EPB41: variants seen among roughly 807,000 people sequenced by gnomAD.
EPB41 encodes protein 4.1.
A neutral mutation model predicts 108.0 loss-of-function variants in EPB41; 65 were observed. That is an observed-to-expected ratio of 0.60 (90% confidence interval 0.49 to 0.74). The LOEUF is 0.74. EPB41 is among the 30% of genes least tolerant of loss of function. The pLI is 0.00. For missense variants in EPB41, 875 were observed against 1,037.0 expected (o/e 0.84, Z 2.15); for synonymous variants, 336 against 358.9 (o/e 0.94, Z 0.72).
At chr1:28,988,815 C>T (rs913502436) in intron 2 of EPB41, among the ~76,000 whole-genome samples, 1 of 152,114 alleles carries the variant, frequency 6.6e-6, no homozygotes, top group African/African-American at 2.4e-5. Flanking sequence ...GCCTCCTGAG[C>T]AGCTGGCATT....
intron 2 of EPB41, 98 bp downstream of exon 2, chr1:28,988,003 C>A: frequency 7.7e-7 from 1 of 1,298,656 alleles, no homozygotes; most frequent in Non-Finnish European, 1.1e-6. Context: ...TGGCTCATGC[C>A]TGTAATTCCA....
chr1:28,905,603 C>T (rs905999328), intron 1 of EPB41, among the ~76,000 whole-genome samples: 4 of 152,034 alleles, frequency 2.6e-5, no homozygotes, highest in African/African-American at 9.7e-5. Context: ...CTCACCAGAA[C>T]CTGGCCATGC....
At chr1:28,895,972 G>C (rs1240721114) in intron 1 of EPB41, among the ~76,000 whole-genome samples, 1 of 152,198 alleles carries the variant, frequency 6.6e-6, no homozygotes, top group African/African-American at 2.4e-5. Flanking sequence ...TGCTGTAAGA[G>C]TTTTAAAGAG....
At chr1:29,084,057 C>T (rs975184405) in intron 16 of EPB41, among the ~76,000 whole-genome samples, 5 of 152,100 alleles carry the variant, frequency 3.3e-5, no homozygotes, top group Admixed American at 2.6e-4. Context: ...AAGATAACCT[C>T]GATTCCTGCT....
At chr1:28,936,838 C>T (rs994439580) in intron 1 of EPB41, among the ~76,000 whole-genome samples, 8 of 151,976 alleles carry the variant, frequency 5.3e-5, no homozygotes, top group Non-Finnish European at 1.2e-4. Flanking sequence ...GTTGTTTGTG[C>T]TTTTTGGCTA....
chr1:29,004,085 G>A, intron 4 of EPB41, among the ~76,000 whole-genome samples: 1 of 152,190 alleles, frequency 6.6e-6, no homozygotes, highest in East Asian at 1.9e-4. Flanking sequence ...CTATAGTTCT[G>A]TGAGAGATTT....
In EPB41 at chr1:29,115,473, T is replaced by C. The variant is rs1263059634; in HGVS notation, c.2497-226T>C. ...ACCCCCGAAGTCCCTCTCCAGTTCC[T>C]AGAAGACAGCGCTAACCTTCCCTGT... On this transcript the variant is annotated intron_variant, in intron 19 of 20. Transcript: ENST00000343067. This position sits in a 1 kb window ranked among gnomAD's most constrained non-coding sequence, Gnocchi z 4.4. Among the ~76,000 whole-genome samples the C allele has an allele frequency of 2.6e-5, 4 of 152,142 alleles. No homozygotes were observed. Among genetic ancestry groups the C allele is most frequent in the Non-Finnish European group, 4.4e-5 (3 of 68,026 alleles).
Position 28,928,044 on chromosome 1 carries a change from C to T in EPB41, c.-8+13276C>T, listed in dbSNP as rs535959285. Among the ~76,000 whole-genome samples, 36 of 152,186 alleles carry T rather than the reference C, an allele frequency of 2.4e-4. No individual in the cohort carries two copies. The South Asian group carries it at 7.3e-3, about 31-fold the overall frequency. On this transcript the variant is annotated intron_variant, in intron 1 of 20. Transcript: ENST00000343067. Reference sequence around the variant, plus strand: ...CTTCTCTTAATACTCCTGCAGAACACAGCTGAGACCAGGCTGTAACATCTG... The same window carrying T: ...CTTCTCTTAATACTCCTGCAGAACATAGCTGAGACCAGGCTGTAACATCTG...
chr1:28,906,275 C>G (rs2091821641), intron 1 of EPB41, among the ~76,000 whole-genome samples: 1 of 152,112 alleles, frequency 6.6e-6, no homozygotes, highest in Non-Finnish European at 1.5e-5. Context: ...TTTCTGTGCC[C>G]CCAATACCCC....
intron 7 of EPB41, among the ~76,000 whole-genome samples, chr1:29,024,123 T>G (rs2096683510): frequency 6.6e-6 from 1 of 151,210 alleles, no homozygotes; most frequent in Non-Finnish European, 1.5e-5. Context: ...GATCACGAGG[T>G]CAAGAGATTG....
Position 29,117,316 on chromosome 1 carries a change from G to A in EPB41, c.*504G>A, listed in dbSNP as rs929829143. 6.5e-6 allele frequency: 1 copy of A among 152,674 alleles called. No individual in the cohort carries two copies. The highest frequency in any genetic ancestry group is 1.5e-5 in the Non-Finnish European group (1 of 68,090). The allele number at this position is 152,674 out of a possible 1,614,324, so 9.5% of individuals were successfully genotyped here. On this transcript the variant is annotated 3_prime_UTR_variant, in exon 21 of 21. Transcript: ENST00000343067. ...AGCCCTTTCTCAGAGCCAGTGATGT[G>A]AGTGTATCAGAATGCCAGGGAGGGC... is the stretch of plus-strand genomic sequence containing the variant.
intron 1 of EPB41, among the ~76,000 whole-genome samples, chr1:28,907,531 G>T (rs2091932216): frequency 1.3e-5 from 2 of 152,226 alleles, no homozygotes; most frequent in South Asian, 2.1e-4. Flanking sequence ...GGGCCAGAGG[G>T]AAGAAGATTG....
chr1:29,087,014 G>A (rs940457489), intron 16 of EPB41, among the ~76,000 whole-genome samples: 11 of 120,284 alleles, frequency 9.1e-5, no homozygotes, highest in African/African-American at 3.5e-4. Context: ...GCACAATCTT[G>A]GCTCACTGCA....
At chr1:29,061,488 C>T (rs559314938) in intron 15 of EPB41, among the ~76,000 whole-genome samples, 21 of 149,836 alleles carry the variant, frequency 1.4e-4, no homozygotes, top group Non-Finnish European at 2.8e-4. Flanking sequence ...CCAGGATGGT[C>T]TGGATCTCCT....
At chr1:29,017,259 C>T (rs763996568) in intron 6 of EPB41, among the ~76,000 whole-genome samples, 13 of 152,098 alleles carry the variant, frequency 8.5e-5, no homozygotes, top group South Asian at 4.1e-4. Context: ...AAAAAATGTA[C>T]GTTATGACTA....
intron 4 of EPB41, among the ~76,000 whole-genome samples, chr1:29,002,410 C>T (rs2096311958): frequency 6.6e-6 from 1 of 151,388 alleles, no homozygotes; most frequent in South Asian, 2.1e-4. Flanking sequence ...CATGAGTACA[C>T]CACTGCACTT....
chr1:28,888,566 A>G (rs1399549157), intron 1 of EPB41, among the ~76,000 whole-genome samples: 1 of 152,264 alleles, frequency 6.6e-6, no homozygotes, highest in Non-Finnish European at 1.5e-5. Context: ...GGTGTCAGAC[A>G]GACACTTCGG....
chr1:29,113,984 G>C (rs1670054380), intron 19 of EPB41, among the ~76,000 whole-genome samples: 1 of 152,142 alleles, frequency 6.6e-6, no homozygotes, highest in Non-Finnish European at 1.5e-5. Context: ...CAGATGGGTT[G>C]GGCAAACAGG....
chr1:28,925,028 C>T (rs1241444984), intron 1 of EPB41, among the ~76,000 whole-genome samples: 3 of 150,282 alleles, frequency 2.0e-5, no homozygotes, highest in East Asian at 2.0e-4. Flanking sequence ...TGCAGTAGCG[C>T]GATCTCGGCT....
Sources: allele counts gnomAD v4.1 joint callset (sites outside exome capture counted in the v4.1 genomes callset), GRCh38; gene constraint gnomAD v4.1.1; non-coding constraint Gnocchi (gnomAD v3.1); transcripts MANE v1.5; gene names NCBI Gene and HGNC (gene_info 2026-07-23, HGNC 2026-07-21).